The following PCDHGA6 variants were observed in gnomAD, a reference collection of about 807,000 sequenced individuals.
PCDHGA6 encodes the protein protocadherin gamma-A6.
PCDHGA6 carries 41 observed loss-of-function variants against 60.6 expected under a neutral mutation model. The observed-to-expected ratio is 0.68, with a 90% CI of 0.53 to 0.88. PCDHGA6 has a LOEUF of 0.88. Among genes scored for constraint, PCDHGA6 ranks in the 40% least tolerant of loss-of-function variants. The probability of loss-of-function intolerance (pLI) is 0.00; values close to 1 mark genes in which losing one functional copy is unlikely to be tolerated. For missense variants in PCDHGA6, 1,312 were observed against 1,203.0 expected, an observed-to-expected ratio of 1.09 and a Z score of -1.34; for synonymous variants, 594 against 524.4, an observed-to-expected ratio of 1.13 and a Z score of -1.81.
In PCDHGA6 at chr5:141,374,991, C is replaced by T. The variant is rs1470236717; in HGVS notation, c.908C>T (p.Thr303Ile). 4 of 1,614,036 alleles carry T rather than the reference C, an allele frequency of 2.5e-6. No individual in the cohort carries two copies. The Admixed American group carries it at 5.0e-5, about 20-fold the overall frequency. ...AATGTTTTGACTGGAGAAATTTCAACTTCTGCAAATCTAGACTATGAGGAC... is the reference window on the plus strand; with the variant it reads ...AATGTTTTGACTGGAGAAATTTCAATTTCTGCAAATCTAGACTATGAGGAC... ...CLNVLTGEIS[T>I]SANLDYEDSS... Residue 303 changes from threonine (T) to isoleucine (I), a missense_variant, in exon 1 of 4, where the codon ACT becomes ATT. Thr to Ile is a moderately conservative substitution (Grantham distance 89). Transcript: ENST00000517434.
chr5:141,452,830 T>A (rs2098749929), intron 1 of PCDHGA6, among the ~76,000 whole-genome samples: 1 of 152,166 alleles, frequency 6.6e-6, no homozygotes, highest in South Asian at 2.1e-4. Context: ...CAAAATCACT[T>A]GGTCCAGCCC....
In PCDHGA6 at chr5:141,486,043, A is replaced by G. The variant is rs1193580610; in HGVS notation, c.2425-8764A>G. 6.2e-7 allele frequency: 1 copy of G among 1,614,050 alleles called. No homozygotes were observed. Among genetic ancestry groups the G allele is most frequent in the African/African-American group, 1.3e-5 (1 of 74,918 alleles). ...GTGGTCATACCCCTGATCGTGTAAG[A>G]AACCTCTTTAGCCTGCACCCCACTA... On this transcript the variant is annotated intron_variant, in intron 1 of 3. Transcript: ENST00000517434. This position sits in a 1 kb window ranked among gnomAD's most constrained non-coding sequence, Gnocchi z 5.0.
intron 1 of PCDHGA6, chr5:141,413,740 C>T (rs1274240064): frequency 5.6e-6 from 9 of 1,613,284 alleles, no homozygotes; most frequent in African/African-American, 1.3e-5. Flanking sequence ...AGTTCAGAGC[C>T]GTGCCAATGG....
intron 1 of PCDHGA6, chr5:141,400,117 T>C (rs2093964744): frequency 1.2e-6 from 2 of 1,614,050 alleles, no homozygotes; most frequent in Non-Finnish European, 1.7e-6. Context: ...TGCTGACAGC[T>C]TGCAGGAGGT....
chr5:141,415,492 A>G lies in PCDHGA6; in HGVS notation c.2424+38985A>G, dbSNP rs373866182. 4 of 1,614,154 alleles carry G rather than the reference A, an allele frequency of 2.5e-6. No individual in the cohort carries two copies. The African/African-American group carries it at 4.0e-5, about 16-fold the overall frequency. On this transcript the variant is annotated intron_variant, in intron 1 of 3. Transcript: ENST00000517434. Reference sequence around the variant, plus strand: ...CGCGGACTCGCGAAAGAGTCACCTGATCTTCCCCCAGCCCAATTATGCGGA... The same window carrying G: ...CGCGGACTCGCGAAAGAGTCACCTGGTCTTCCCCCAGCCCAATTATGCGGA...
Position 141,375,215 on chromosome 5 carries a change from C to T in PCDHGA6, c.1132C>T (p.Leu378=). 1.2e-6 allele frequency: 2 copies of T among 1,614,004 alleles called. No individual in the cohort carries two copies. The highest frequency in any genetic ancestry group is 1.7e-6 in the Non-Finnish European group (2 of 1,179,896). ...LFQVFDRDSG[L]NGLVTCSIPR... is the part of the protein sequence containing the mutation. ...TCAAGTGTTCGATCGAGACTCTGGC[C>T]TGAATGGCCTGGTAACCTGTTCCAT... The change falls in exon 1 of 4, where the codon CTG becomes TTG. Residue 378 remains leucine, a synonymous_variant. Coordinates refer to ENST00000517434, the MANE Select transcript of PCDHGA6 (RefSeq NM_018919.3).
At chr5:141,464,189 C>T (rs1215955823) in intron 1 of PCDHGA6, among the ~76,000 whole-genome samples, 1 of 150,620 alleles carries the variant, frequency 6.6e-6, no homozygotes, top group Non-Finnish European at 1.5e-5. Context: ...TGCTTGATTT[C>T]AGGAGGCGGA....
chr5:141,419,617 C>T (rs780077182), intron 1 of PCDHGA6: 2 of 1,612,280 alleles, frequency 1.2e-6, no homozygotes, highest in South Asian at 2.2e-5. Flanking sequence ...AGCCAGGCTA[C>T]CTGGTGACCA....
chr5:141,382,519 T>G lies in PCDHGA6; in HGVS notation c.2424+6012T>G, dbSNP rs147736839. On this transcript the variant is annotated intron_variant, in intron 1 of 3. Transcript: ENST00000517434. ...CATGAACACTGTTGCATTAATTCAG[T>G]GTCTTAAAATGGATTTTTAATTATC... 7.0e-4 allele frequency among the ~76,000 whole-genome samples: 107 copies of G among 152,314 alleles called. No homozygotes were observed. In the Middle Eastern group the frequency reaches 0.01, roughly 15 times the overall value.
chr5:141,426,772 C>T, intron 1 of PCDHGA6: 1 of 456,686 alleles, frequency 2.2e-6, no homozygotes, highest in South Asian at 1.5e-5. Context: ...GATGTAGGGC[C>T]TCACTCTCTC....
chr5:141,422,898 C>T (rs2096684110), intron 1 of PCDHGA6: 2 of 1,614,250 alleles, frequency 1.2e-6, no homozygotes, highest in Middle Eastern at 1.6e-4. Flanking sequence ...TGGACCAGAA[C>T]GACAATGCGC....
intron 1 of PCDHGA6, chr5:141,478,684 T>C: frequency 6.4e-7 from 1 of 1,551,340 alleles, no homozygotes; most frequent in Non-Finnish European, 8.7e-7. Flanking sequence ...TGGCCCTTCC[T>C]AGATCAAAGT....
At chr5:141,510,849 G>C (rs959784028) in intron 3 of PCDHGA6, 98 bp from the exon 4 acceptor site, 10 of 1,596,568 alleles carry the variant, frequency 6.3e-6, no homozygotes, top group Middle Eastern at 1.7e-4. Flanking sequence ...CAAGGCCCAG[G>C]GTGCTGTATA....
chr5:141,448,903 C>A (rs1460471063), intron 1 of PCDHGA6, among the ~76,000 whole-genome samples: 2 of 152,112 alleles, frequency 1.3e-5, no homozygotes, highest in Non-Finnish European at 2.9e-5. Context: ...CGAGATCGTG[C>A]CACTGCACTC....
rs1264130543 is a variant in PCDHGA6 at position 141,485,467 on chromosome 5, C to T, written c.2425-9340C>T. 2 of 1,614,112 alleles carry T rather than the reference C, an allele frequency of 1.2e-6. No homozygotes were observed. The highest frequency in any genetic ancestry group is 1.7e-6 in the Non-Finnish European group (2 of 1,180,024). On this transcript the variant is annotated intron_variant, in intron 1 of 3. Transcript: ENST00000517434. The surrounding 1 kb of genome is among the most constrained non-coding windows in gnomAD (Gnocchi z 5.7). ...TCGACCGAGAGGCACTGTGTGGGCT[C>T]AGTGCCAGCTGCATCGTGCCCCTGG... is the stretch of plus-strand genomic sequence containing the variant.
chr5:141,433,208 C>CTTTT, intron 1 of PCDHGA6: 1 of 1,293,074 alleles, frequency 7.7e-7, no homozygotes, highest in African/African-American at 1.5e-5. Flanking sequence ...AATCTTCTTT[C>CTTTT]TTTTTTTTTT....
intron 1 of PCDHGA6, chr5:141,409,795 G>A (rs764584425): frequency 1.2e-6 from 2 of 1,611,722 alleles, no homozygotes; most frequent in Admixed American, 1.7e-5. Context: ...TCGCGCTCAC[G>A]CTGCAGGCCC....
At chr5:141,475,815 C>T (rs2099373124) in intron 1 of PCDHGA6, 1 of 340,648 alleles carries the variant, frequency 2.9e-6, no homozygotes, top group Non-Finnish European at 5.3e-6. Flanking sequence ...AAGTGAAGTT[C>T]CTGGCGCTAG....
In PCDHGA6 at chr5:141,374,094, C is replaced by T. The variant is rs544125570; in HGVS notation, c.11C>T (p.Pro4Leu). The change falls in exon 1 of 4, where the codon CCG (proline) becomes CTG (leucine). Residue 4 changes from proline (P) to leucine (L), a missense_variant. Physicochemically the swap from Pro to Leu is moderately conservative, Grantham distance 98. Coordinates refer to ENST00000517434, the MANE Select transcript of PCDHGA6 (RefSeq NM_018919.3). MAP[P>L]QRHPQRSEQV... is the part of the protein sequence containing the mutation. ...CCTAATAAGCCAGTAATGGCGCCTC[C>T]GCAGAGGCATCCGCAGCGCAGCGAG... The T allele has an allele frequency of 1.2e-5, 19 of 1,555,744 alleles. No homozygotes were observed. The highest frequency in any genetic ancestry group is 1.7e-5 in the Non-Finnish European group (19 of 1,149,924).
Sources: allele counts gnomAD v4.1 joint callset (sites outside exome capture counted in the v4.1 genomes callset), GRCh38; gene constraint gnomAD v4.1.1; non-coding constraint Gnocchi (gnomAD v3.1); transcripts MANE v1.5; gene names NCBI Gene and HGNC (gene_info 2026-07-23, HGNC 2026-07-21).